Variants in PHF8 observed in about 807,000 individuals in gnomAD.
The protein encoded by PHF8 is histone lysine demethylase PHF8.
Under a neutral mutation model 74.4 loss-of-function variants are expected in PHF8, and 9 were observed. The observed-to-expected ratio is 0.12, with a 90% CI of 0.07 to 0.21. The LOEUF is 0.21. PHF8 is among the 10% of genes least tolerant of loss of function. The pLI is 1.00. For synonymous variants in PHF8, 311 were observed against 316.6 expected (o/e 0.98, Z 0.19); for missense variants, 478 against 816.6 (o/e 0.59, Z 5.05).
In PHF8 at chrX:54,042,515, G is replaced by C. The variant is rs997009818; in HGVS notation, c.98+116C>G. On this transcript the variant is annotated intron_variant, in intron 2 of 21. Transcript: ENST00000338154. ...TCTGCAAGGAGAGATGGCAGAACCT[G>C]AGTCTGGGAGAGGGGGTCCTGAGCC... is the stretch of plus-strand genomic sequence containing the variant. 7 of 607,596 alleles carry C rather than the reference G, an allele frequency of 1.2e-5. No homozygotes were observed. The Admixed American group carries it at 1.9e-4, about 16-fold the overall frequency. The allele number at this position is 607,596 out of a possible 1,213,427, so 50.1% of individuals were successfully genotyped here. A position where few individuals can be genotyped will look rare whatever the true frequency, so the allele number is the denominator to read the frequency against.
intron 8 of PHF8, among the ~76,000 whole-genome samples, chrX:54,009,414 A>G (rs2065944175): frequency 9.0e-6 from 1 of 110,724 alleles, no homozygotes. Context: ...AAAGCCTGAA[A>G]TCAATAAACT....
rs1174028654 is a variant in PHF8, at chrX:53,986,014, G to A, written c.1996-65C>T. The A allele has an allele frequency of 6.8e-6, 7 of 1,034,052 alleles. No homozygotes were observed. In the African/African-American group the frequency reaches 1.3e-4, roughly 19 times the overall value. 85.2% of individuals were successfully genotyped at this position (1,034,052 alleles called of 1,213,427 possible). Reference sequence around the variant, plus strand: ...TGGTCTGGTAAGGCCCCAGTACAGGGGCGATGATCTGACTCCTGATATTAA... The same window carrying A: ...TGGTCTGGTAAGGCCCCAGTACAGGAGCGATGATCTGACTCCTGATATTAA... On this transcript the variant is annotated intron_variant, in intron 16 of 21. Coordinates refer to ENST00000338154, the MANE Select transcript of PHF8 (RefSeq NM_015107.3).
In PHF8 at chrX:53,938,330, C is replaced by G; in HGVS notation, c.*828G>C. 2.0e-6 allele frequency: 2 copies of G among 999,042 alleles called. No homozygotes were observed. Among genetic ancestry groups the G allele is most frequent in the South Asian group, 6.6e-5 (2 of 30,126 alleles). 82.3% of individuals were successfully genotyped at this position (999,042 alleles called of 1,213,427 possible). On this transcript the variant is annotated 3_prime_UTR_variant, in exon 22 of 22. Coordinates refer to ENST00000338154, the MANE Select transcript of PHF8 (RefSeq NM_015107.3). ...GCCAGGGCCCAGCCACAGCCACAGC[C>G]ACAGCCACGTGGATAATGTTCTACA...
chrX:53,992,936 A>T, intron 13 of PHF8, 97 bp from the exon 14 acceptor site: 1 of 580,797 alleles, frequency 1.7e-6, no homozygotes, highest in Non-Finnish European at 3.0e-6. Flanking sequence ...GTTCACTGTC[A>T]AAACCACCTG....
chrX:54,016,767 T>G lies in PHF8; in HGVS notation c.455-31A>C, dbSNP rs193199418. The G allele has an allele frequency of 6.4e-3, 7,454 of 1,159,516 alleles. 26 individuals are homozygous for G. Among genetic ancestry groups the G allele is most frequent in the Non-Finnish European group, 7.2e-3 (6,128 of 849,897 alleles). Reference sequence around the variant, plus strand: ...GTAAAGAGATAGGTTCTGCACCAAGTAGTCTCAGGGACTGTGGAAGACTCT... The same window carrying G: ...GTAAAGAGATAGGTTCTGCACCAAGGAGTCTCAGGGACTGTGGAAGACTCT... On this transcript the variant is annotated intron_variant, in intron 5 of 21. Transcript: ENST00000338154.
chrX:54,018,874 C>T (rs1240496979), intron 4 of PHF8, among the ~76,000 whole-genome samples: 13 of 111,497 alleles, frequency 1.2e-4, no homozygotes, highest in Non-Finnish European at 1.1e-4. Flanking sequence ...CCCGCCTCAG[C>T]CTCCCAAAGT....
Position 53,938,930 on chromosome X carries a change from C to G in PHF8, c.*228G>C. ...GTTCTAGTCAGCTGGAAACCTCTCC[C>G]ATTTACCTGCTCCTCAGTGGAGAAG... is the stretch of plus-strand genomic sequence containing the variant. On this transcript the variant is annotated 3_prime_UTR_variant, in exon 22 of 22. Coordinates refer to ENST00000338154, the MANE Select transcript of PHF8 (RefSeq NM_015107.3). The G allele has an allele frequency of 5.1e-6, 5 of 978,936 alleles. No homozygotes were observed. The highest frequency in any genetic ancestry group is 6.4e-6 in the Non-Finnish European group (5 of 779,239). 80.7% of individuals were successfully genotyped at this position (978,936 alleles called of 1,213,427 possible).
chrX:54,016,701 G>C lies in PHF8; in HGVS notation c.490C>G (p.Arg164Gly). 1 of 1,202,511 alleles carries C rather than the reference G, an allele frequency of 8.3e-7. No homozygotes were observed. Among genetic ancestry groups the C allele is most frequent in the Non-Finnish European group, 1.1e-6 (1 of 887,581 alleles). ...AGCTTCATCTTGCAGTCAGCCTGGC[G>C]GGTCACATCAATCACATCAATCTCT... The part of the protein sequence containing the change: ...DKEIDVIDVT[R>G]QADCKMKLGD... Residue 164 changes from arginine (R) to glycine (G), a missense_variant, in exon 6 of 22, where the codon CGC becomes GGC. Arg to Gly is a moderately radical substitution (Grantham distance 125). Transcript: ENST00000338154.
chrX:54,045,739 A>C (rs896953988), upstream of PHF8, among the ~76,000 whole-genome samples: 1 of 112,460 alleles, frequency 8.9e-6, no homozygotes, highest in Non-Finnish European at 1.9e-5. Flanking sequence ...GGCACATAGA[A>C]AAATATTTAC....
At position 53,987,108 on chromosome X, in the gene PHF8, A is replaced by T; in HGVS notation, c.1965T>A (p.Arg655=). ...TGTCAAACTCAACTTCTCCTGGTTC[A>T]CGAACTCGGTTGGGGTCAGAGCAAG... is the stretch of plus-strand genomic sequence containing the variant. ...AKPCSDPNRV[R]EPGEVEFDIE... is the part of the protein sequence containing the mutation. Residue 655 remains arginine (R), a synonymous_variant, in exon 16 of 22, where the codon CGT becomes CGA. Coordinates refer to ENST00000338154, the MANE Select transcript of PHF8 (RefSeq NM_015107.3). 8.3e-7 allele frequency: 1 copy of T among 1,204,228 alleles called. No individual in the cohort carries two copies. Among genetic ancestry groups the T allele is most frequent in the Non-Finnish European group, 1.1e-6 (1 of 888,874 alleles).
At chrX:53,982,902 T>C (rs1401067034) in intron 18 of PHF8, among the ~76,000 whole-genome samples, 3 of 112,301 alleles carry the variant, frequency 2.7e-5, no homozygotes, top group Non-Finnish European at 3.8e-5. Flanking sequence ...TATTAAAAAC[T>C]GATAAAGATG....
chrX:53,990,657 C>T (rs2065644750), intron 14 of PHF8, among the ~76,000 whole-genome samples: 1 of 111,427 alleles, frequency 9.0e-6, no homozygotes, highest in African/African-American at 3.3e-5. Context: ...ACTCCTTTTT[C>T]CCTTATTTTC....
In PHF8 at chrX:54,022,741, C is replaced by A; in HGVS notation, c.184+17G>T. 4.7e-6 allele frequency: 5 copies of A among 1,065,888 alleles called. No homozygotes were observed. The highest frequency in any genetic ancestry group is 6.6e-6 in the Non-Finnish European group (5 of 763,278). The allele number at this position is 1,065,888 out of a possible 1,213,427, so 87.8% of individuals were successfully genotyped here. ...CCTCTGGATTGTCTTCTCTAGGAAA[C>A]CCTAAGATCTACTTACTAATGGAGG... On this transcript the variant is annotated intron_variant, in intron 3 of 21. Transcript: ENST00000338154.
intron 4 of PHF8, among the ~76,000 whole-genome samples, chrX:54,020,246 G>C (rs2066147371): frequency 8.9e-6 from 1 of 112,146 alleles, no homozygotes; most frequent in African/African-American, 3.2e-5. Flanking sequence ...TAGGATATAG[G>C]AAAATCGGCA....
At chrX:53,965,154 C>T (rs940788428) in intron 18 of PHF8, among the ~76,000 whole-genome samples, 1 of 111,620 alleles carries the variant, frequency 9.0e-6, no homozygotes. Context: ...AGAACATGCA[C>T]GTGCACGTGT....
At chrX:53,990,025 A>G (rs188460483) in intron 14 of PHF8, among the ~76,000 whole-genome samples, 101 of 111,947 alleles carry the variant, frequency 9.0e-4, no homozygotes, top group Middle Eastern at 4.6e-3. Flanking sequence ...CTGATCTTTT[A>G]TTAACTTCTA....
chrX:54,025,760 A>C (rs2066256520), intron 2 of PHF8, among the ~76,000 whole-genome samples: 1 of 111,358 alleles, frequency 9.0e-6, no homozygotes, highest in Non-Finnish European at 1.9e-5. Context: ...CTCTGACCAC[A>C]AGTCTATCTA....
rs782121882 is a variant in PHF8, at chrX:53,937,666, G to GA, written c.*1491dup. 6.8e-5 allele frequency: 17 copies of GA among 250,718 alleles called. No homozygotes were observed. Among genetic ancestry groups the GA allele is most frequent in the African/African-American group, 4.7e-4 (17 of 36,025 alleles). 20.7% of individuals were successfully genotyped at this position (250,718 alleles called of 1,213,427 possible). ...AGGAAAGTAGAGGCAGGGCTATGGA[G>GA]AAAAGAAAGACAAACTGGAGATACA... On this transcript the variant is annotated 3_prime_UTR_variant, in exon 22 of 22. Transcript: ENST00000338154.
At chrX:53,992,921 G>C (rs2065689803) in intron 13 of PHF8, 82 bp from the exon 14 acceptor site, 1 of 663,794 alleles carries the variant, frequency 1.5e-6, no homozygotes, top group East Asian at 3.4e-5. Context: ...GGTTTCACTG[G>C]TTCAGTTCAC....
Sources: allele counts gnomAD v4.1 joint callset (sites outside exome capture counted in the v4.1 genomes callset), GRCh38; gene constraint gnomAD v4.1.1; transcripts MANE v1.5; gene names NCBI Gene and HGNC (gene_info 2026-07-23, HGNC 2026-07-21).